Variants in CSMD1 observed in about 807,000 individuals in gnomAD.
The protein encoded by CSMD1 is CUB and sushi domain-containing protein 1.
In CSMD1, 213 loss-of-function variants were observed where a neutral mutation model predicts 417.5. The observed-to-expected ratio is 0.51, with a 90% confidence interval of 0.46 to 0.57. CSMD1 has a LOEUF of 0.57. Ranked by LOEUF, CSMD1 falls within the 20% of genes least tolerant of loss-of-function variation. The pLI, the probability that CSMD1 is intolerant of heterozygous loss-of-function variation, is 0.00. For synonymous variants in CSMD1, 2,862 were observed against 1,736.8 expected, an observed-to-expected ratio of 1.65 and a Z score of -16.11; for missense variants, 6,923 against 4,529.7, an observed-to-expected ratio of 1.53 and a Z score of -15.17.
At chr8:4,688,960 A>G (rs538811375) in intron 1 of CSMD1, among the ~76,000 whole-genome samples, 1 of 152,314 alleles carries the variant, frequency 6.6e-6, no homozygotes, top group South Asian at 2.1e-4. Flanking sequence ...AGAAATGGCC[A>G]TTTTCCAATT....
At chr8:4,748,269 C>T (rs896351680) in intron 1 of CSMD1, among the ~76,000 whole-genome samples, 1 of 152,218 alleles carries the variant, frequency 6.6e-6, no homozygotes, top group Non-Finnish European at 1.5e-5. Context: ...CTTTAGAAAG[C>T]ACACAAGCAA....
chr8:4,739,844 C>T (rs895953066), intron 1 of CSMD1, among the ~76,000 whole-genome samples: 2 of 152,134 alleles, frequency 1.3e-5, no homozygotes, highest in Non-Finnish European at 2.9e-5. Context: ...GGCCCCCATC[C>T]ACCGTTCCTA....
chr8:3,986,091 T>C (rs894461898), intron 5 of CSMD1, among the ~76,000 whole-genome samples: 1 of 152,078 alleles, frequency 6.6e-6, no homozygotes, highest in African/African-American at 2.4e-5. Flanking sequence ...AAGGATCTCG[T>C]TCGTATCTGG....
Position 4,278,615 on chromosome 8 carries a change from G to T in CSMD1, c.415+141338C>A, listed in dbSNP as rs568279980. 1.4e-4 allele frequency among the ~76,000 whole-genome samples: 21 copies of T among 152,228 alleles called. No individual in the cohort carries two copies. The East Asian group carries it at 3.7e-3, about 27-fold the overall frequency. On this transcript the variant is annotated intron_variant, in intron 3 of 69. Coordinates refer to ENST00000635120, the MANE Select transcript of CSMD1 (RefSeq NM_033225.6). ...AAATGATTAAATAAATTCATGAATG[G>T]AAACTCAAATTTTAGCTACGAATTC...
intron 1 of CSMD1, among the ~76,000 whole-genome samples, chr8:4,985,380 T>TAAA (rs974427362): frequency 2.0e-5 from 3 of 151,552 alleles, no homozygotes; most frequent in African/African-American, 7.3e-5. Flanking sequence ...AAGTTTTTTT[T>TAAA]AAAAAAAAAT....
In CSMD1 at chr8:4,141,620, A is replaced by G. The variant is rs118019841; in HGVS notation, c.416-109521T>C. 1.2e-3 allele frequency among the ~76,000 whole-genome samples: 182 copies of G among 150,160 alleles called. 2 individuals are homozygous for G. The East Asian group carries it at 0.021, about 17-fold the overall frequency. On this transcript the variant is annotated intron_variant, in intron 3 of 69. Coordinates refer to ENST00000635120, the MANE Select transcript of CSMD1 (RefSeq NM_033225.6). ...ATGGAGTTGTAACGATTCCTCCACTATATTTTCACCCTAATTCACAAGTTT... is the reference window on the plus strand; with the variant it reads ...ATGGAGTTGTAACGATTCCTCCACTGTATTTTCACCCTAATTCACAAGTTT...
At chr8:4,308,800 G>C (rs1358328255) in intron 3 of CSMD1, among the ~76,000 whole-genome samples, 1 of 152,140 alleles carries the variant, frequency 6.6e-6, no homozygotes, top group African/African-American at 2.4e-5. Flanking sequence ...TCACAGATGA[G>C]TTATTATGCT....
At chr8:4,403,927 C>T (rs920739113) in intron 3 of CSMD1, among the ~76,000 whole-genome samples, 1 of 152,174 alleles carries the variant, frequency 6.6e-6, no homozygotes, top group Admixed American at 6.5e-5. Context: ...CTCCAATCTT[C>T]GCCTTTTGAA....
At chr8:4,033,315 A>G (rs1046883963) in intron 3 of CSMD1, among the ~76,000 whole-genome samples, 125 of 151,660 alleles carry the variant, frequency 8.2e-4, no homozygotes, top group East Asian at 1.6e-3. Flanking sequence ...GGTGGCGGGC[A>G]CCTGTAGTCC....
intron 31 of CSMD1, among the ~76,000 whole-genome samples, chr8:3,203,650 T>A (rs1193946266): frequency 6.6e-6 from 1 of 152,188 alleles, no homozygotes; most frequent in Non-Finnish European, 1.5e-5. Flanking sequence ...TGCAAAGGCC[T>A]GTGGCAAGGA....
chr8:4,047,634 A>C (rs1336500447), intron 3 of CSMD1, among the ~76,000 whole-genome samples: 1 of 152,190 alleles, frequency 6.6e-6, no homozygotes, highest in East Asian at 1.9e-4. Context: ...GGAATGCAAT[A>C]TCGCCCTCAG....
chr8:3,294,114 A>G (rs1177018483), intron 25 of CSMD1, among the ~76,000 whole-genome samples: 2 of 152,212 alleles, frequency 1.3e-5, no homozygotes, highest in Admixed American at 1.3e-4. Flanking sequence ...TTGCCTGGGT[A>G]TCAGCAGCAG....
Position 4,902,403 on chromosome 8 carries a change from C to G in CSMD1, c.85+91929G>C, listed in dbSNP as rs975649527. Among the ~76,000 whole-genome samples, 150 of 141,972 alleles carry G rather than the reference C, an allele frequency of 1.1e-3. 1 individual carries two copies. Among genetic ancestry groups the G allele is most frequent in the African/African-American group, 3.8e-3 (147 of 39,124 alleles). The allele number at this position is 141,972 out of a possible 152,430, so 93.1% of individuals were successfully genotyped here. The stretch of plus-strand genomic sequence containing the variant: ...AGTGACCCATGATTGTGCCACTTAG[C>G]AACAGAACAAGAACCCATCTCTAAA... On this transcript the variant is annotated intron_variant, in intron 1 of 69. Transcript: ENST00000635120.
chr8:3,901,993 T>C (rs1474928887), intron 5 of CSMD1, among the ~76,000 whole-genome samples: 2 of 152,204 alleles, frequency 1.3e-5, no homozygotes, highest in African/African-American at 4.8e-5. Flanking sequence ...CTCTTATTCT[T>C]TCCCTCCTTT....
At chr8:3,975,601 T>A (rs984525363) in intron 5 of CSMD1, among the ~76,000 whole-genome samples, 5 of 152,096 alleles carry the variant, frequency 3.3e-5, no homozygotes, top group African/African-American at 9.7e-5. Flanking sequence ...TCGTGTGGAT[T>A]AGAAAAAGGG....
At chr8:4,057,717 G>A (rs2130724112) in intron 3 of CSMD1, among the ~76,000 whole-genome samples, 1 of 151,992 alleles carries the variant, frequency 6.6e-6, no homozygotes, top group African/African-American at 2.4e-5. Context: ...TGTACAAGGT[G>A]TAAGGAAGGG....
At chr8:4,841,914 A>ACAAAACAAAACAAAAC (rs779346831) in intron 1 of CSMD1, among the ~76,000 whole-genome samples, 1 of 136,544 alleles carries the variant, frequency 7.3e-6, no homozygotes, top group East Asian at 2.3e-4. Context: ...TCCGTCTCAA[A>ACAAAACAAAACAAAAC]AAAAAAAAAA....
chr8:3,213,857 C>CAG (rs1554469282), intron 30 of CSMD1, among the ~76,000 whole-genome samples: 1 of 146,112 alleles, frequency 6.8e-6, no homozygotes, highest in East Asian at 2.0e-4. Flanking sequence ...TATACATACA[C>CAG]ATATATATAT....
chr8:4,073,438 C>G (rs1288276638), intron 3 of CSMD1, among the ~76,000 whole-genome samples: 19 of 152,044 alleles, frequency 1.2e-4, no homozygotes, highest in Admixed American at 1.2e-3. Flanking sequence ...ATTTGTTATT[C>G]TGTGCGACTG....
Sources: gnomAD v4.1 joint callset for allele counts (sites outside exome capture counted in the v4.1 genomes callset) on GRCh38, gnomAD v4.1.1 for gene constraint, MANE v1.5 for transcripts, NCBI Gene and HGNC (gene_info 2026-07-23, HGNC 2026-07-21) for gene names.